ADK: variants seen among roughly 807,000 people sequenced by gnomAD.
The protein encoded by ADK is N6,N6-dimethyladenosine kinase.
A neutral mutation model predicts 44.7 loss-of-function variants in ADK; 24 were observed. The ratio of observed to expected loss-of-function variants is 0.54; its 90% confidence interval spans 0.39 to 0.76. ADK has a LOEUF of 0.76. Among genes scored for constraint, ADK ranks in the 30% least tolerant of loss-of-function variants. ADK has a pLI of 0.00. For missense variants in ADK, 321 were observed against 425.1 expected, an observed-to-expected ratio of 0.76 and a Z score of 2.15; for synonymous variants, 128 against 142.6, an observed-to-expected ratio of 0.90 and a Z score of 0.73.
At chr10:74,310,232 T>C (rs1821635259) in intron 3 of ADK, among the ~76,000 whole-genome samples, 1 of 152,142 alleles carries the variant, frequency 6.6e-6, no homozygotes, top group Non-Finnish European at 1.5e-5. Flanking sequence ...TTATTTCCTA[T>C]GGAAAAAGTC....
At chr10:74,427,721 ATATG>A (rs1183854859) in intron 6 of ADK, among the ~76,000 whole-genome samples, 11 of 106,052 alleles carry the variant, frequency 1.0e-4, no homozygotes, top group East Asian at 1.0e-3. Context: ...TTGTATATGT[ATATG>A]TATGTGTGTG....
At chr10:74,313,539 A>G (rs1413165208) in intron 3 of ADK, among the ~76,000 whole-genome samples, 4 of 151,980 alleles carry the variant, frequency 2.6e-5, no homozygotes, top group Admixed American at 2.6e-4. Context: ...TATTAGTCTG[A>G]TTTTTATTCC....
At chr10:74,211,235 C>T (rs1349881114) in intron 2 of ADK, among the ~76,000 whole-genome samples, 8 of 152,044 alleles carry the variant, frequency 5.3e-5, no homozygotes, top group Non-Finnish European at 8.8e-5. Flanking sequence ...CTACAGCTTT[C>T]AACATTATGT....
At chr10:74,388,905 T>C (rs1390740105) in intron 4 of ADK, among the ~76,000 whole-genome samples, 1 of 152,206 alleles carries the variant, frequency 6.6e-6, no homozygotes, top group East Asian at 1.9e-4. Flanking sequence ...ACACATCTCT[T>C]TCTCCTCATT....
intron 6 of ADK, among the ~76,000 whole-genome samples, chr10:74,476,375 C>T (rs1390991498): frequency 6.6e-6 from 1 of 151,790 alleles, no homozygotes; most frequent in African/African-American, 2.4e-5. Flanking sequence ...TGCTGTAATC[C>T]CAGCTACTCG....
chr10:74,175,299 G>A (rs982203291), intron 1 of ADK, among the ~76,000 whole-genome samples: 7 of 151,236 alleles, frequency 4.6e-5, no homozygotes, highest in South Asian at 2.1e-4. Context: ...CACAAGAATC[G>A]CTTGAACCCA....
intron 9 of ADK, among the ~76,000 whole-genome samples, chr10:74,616,707 C>T (rs927187218): frequency 6.6e-6 from 1 of 152,108 alleles, no homozygotes; most frequent in Non-Finnish European, 1.5e-5. Context: ...CTTTGCATTT[C>T]TACTTAAATT....
chr10:74,384,838 G>A (rs996992873), intron 4 of ADK, among the ~76,000 whole-genome samples: 1 of 152,120 alleles, frequency 6.6e-6, no homozygotes, highest in African/African-American at 2.4e-5. Flanking sequence ...TAATGCTTAG[G>A]ATTAACTTGG....
chr10:74,394,124 A>G lies in ADK; in HGVS notation c.274-17A>G. 5 of 1,613,758 alleles carry G rather than the reference A, an allele frequency of 3.1e-6. No homozygotes were observed. The highest frequency in any genetic ancestry group is 4.2e-6 in the Non-Finnish European group (5 of 1,179,738). On this transcript the variant is annotated splice_polypyrimidine_tract_variant and intron_variant, in intron 4 of 10. Transcript: ENST00000539909. ...ATTTTTTTGCCCCATTAAATTATTT[A>G]TGTTCCTGTTTTACAGTGGATGATT...
intron 10 of ADK, among the ~76,000 whole-genome samples, chr10:74,701,308 G>A (rs932657090): frequency 2.0e-5 from 3 of 152,138 alleles, no homozygotes; most frequent in African/African-American, 7.2e-5. Flanking sequence ...TACAGTTATG[G>A]ATGTAAGTGT....
intron 9 of ADK, among the ~76,000 whole-genome samples, chr10:74,608,404 G>A (rs901243380): frequency 2.0e-5 from 3 of 152,006 alleles, no homozygotes; most frequent in African/African-American, 7.2e-5. Flanking sequence ...GGTGACCTTC[G>A]GATGGGGTTT....
At chr10:74,642,442 C>A (rs1366160544) in intron 9 of ADK, among the ~76,000 whole-genome samples, 1 of 150,288 alleles carries the variant, frequency 6.7e-6, no homozygotes, top group Non-Finnish European at 1.5e-5. Context: ...TGGGCTCAAG[C>A]AATCCTCCTG....
intron 2 of ADK, among the ~76,000 whole-genome samples, chr10:74,222,686 A>C (rs1341472506): frequency 6.6e-6 from 1 of 152,218 alleles, no homozygotes; most frequent in Non-Finnish European, 1.5e-5. Flanking sequence ...CAGCCATAAA[A>C]AATGATGAGT....
chr10:74,157,215 C>T (rs1312663917), intron 1 of ADK, among the ~76,000 whole-genome samples: 1 of 152,026 alleles, frequency 6.6e-6, no homozygotes, highest in Non-Finnish European at 1.5e-5. Context: ...AGAGGGGTGG[C>T]CTATCACAGA....
chr10:74,201,441 A>G (rs1028206967), intron 2 of ADK, among the ~76,000 whole-genome samples: 7 of 152,202 alleles, frequency 4.6e-5, no homozygotes, highest in African/African-American at 1.4e-4. Flanking sequence ...CCCATAGGAC[A>G]GTGTAATAAG....
At chr10:74,691,318 A>G (rs1323272562) in intron 10 of ADK, among the ~76,000 whole-genome samples, 3 of 152,226 alleles carry the variant, frequency 2.0e-5, no homozygotes, top group South Asian at 2.1e-4. Flanking sequence ...TTGCTGTAAA[A>G]TATATCAGGT....
chr10:74,498,404 A>G (rs1847769635), intron 6 of ADK, among the ~76,000 whole-genome samples: 1 of 152,240 alleles, frequency 6.6e-6, no homozygotes, highest in African/African-American at 2.4e-5. Context: ...AATTTTACAG[A>G]AAGTAAAACC....
intron 2 of ADK, among the ~76,000 whole-genome samples, chr10:74,205,968 A>G (rs560692125): frequency 6.6e-6 from 1 of 152,324 alleles, no homozygotes; most frequent in Non-Finnish European, 1.5e-5. Context: ...AGTTTATTGT[A>G]TGTCAGTTAT....
At chr10:74,413,043 A>G (rs1055086390) in intron 6 of ADK, among the ~76,000 whole-genome samples, 1 of 151,768 alleles carries the variant, frequency 6.6e-6, no homozygotes, top group Non-Finnish European at 1.5e-5. Context: ...GGGTGACAAG[A>G]GTGAAACTGT....
Sources: allele counts gnomAD v4.1 joint callset (sites outside exome capture counted in the v4.1 genomes callset), GRCh38; gene constraint gnomAD v4.1.1; transcripts MANE v1.5; gene names NCBI Gene and HGNC (gene_info 2026-07-23, HGNC 2026-07-21).